The following RARS2 variants were observed in gnomAD, a reference collection of about 807,000 sequenced individuals.
The protein encoded by RARS2 is probable arginine--tRNA ligase, mitochondrial.
In RARS2, 67 loss-of-function variants were observed where a neutral mutation model predicts 88.5. The observed-to-expected ratio is 0.76, with a 90% confidence interval of 0.62 to 0.93. RARS2 has a LOEUF of 0.93. RARS2 is among the 40% of genes least tolerant of loss of function. The pLI is 0.00. For missense variants in RARS2, 664 were observed against 684.2 expected, an observed-to-expected ratio of 0.97 and a Z score of 0.33; for synonymous variants, 239 against 230.3, an observed-to-expected ratio of 1.04 and a Z score of -0.34.
chr6:87,563,600 C>T (rs957586227), intron 3 of RARS2, among the ~76,000 whole-genome samples: 15 of 152,216 alleles, frequency 9.9e-5, no homozygotes, highest in African/African-American at 3.4e-4. Context: ...GGGAATTACA[C>T]TAACAATTTA....
chr6:87,553,332 C>A (rs1784906426), intron 5 of RARS2, among the ~76,000 whole-genome samples: 1 of 152,114 alleles, frequency 6.6e-6, no homozygotes, highest in Admixed American at 6.6e-5. Context: ...GAACCACTGG[C>A]CTGAAATACC....
chr6:87,571,064 T>C (rs529324390), intron 1 of RARS2, among the ~76,000 whole-genome samples: 24 of 152,182 alleles, frequency 1.6e-4, no homozygotes, highest in Non-Finnish European at 2.8e-4. Flanking sequence ...GCCATATTGA[T>C]ATGGTTTGGT....
chr6:87,516,952 T>C (rs759446294), intron 17 of RARS2, 72 bp from the exon 18 acceptor site: 2 of 1,596,642 alleles, frequency 1.3e-6, no homozygotes, highest in Non-Finnish European at 1.7e-6. Flanking sequence ...CATTAAAAGA[T>C]TGTGAATATA....
chr6:87,530,070 C>T (rs1776968923), intron 9 of RARS2, among the ~76,000 whole-genome samples: 1 of 152,148 alleles, frequency 6.6e-6, no homozygotes, highest in South Asian at 2.1e-4. Flanking sequence ...TCTTCTGTCA[C>T]ACTATTCACC....
intron 1 of RARS2, among the ~76,000 whole-genome samples, chr6:87,580,841 T>A (rs1390192558): frequency 6.6e-6 from 1 of 152,060 alleles, no homozygotes; most frequent in Non-Finnish European, 1.5e-5. Flanking sequence ...AACTGCCAGA[T>A]CTCGTTTGAG....
At chr6:87,514,581 T>G in intron 19 of RARS2, 82 bp from the exon 20 acceptor site, 1 of 1,217,574 alleles carries the variant, frequency 8.2e-7, no homozygotes, top group Non-Finnish European at 1.2e-6. Flanking sequence ...TAAAGGTTAT[T>G]CTTTCTAGTT....
At chr6:87,578,109 C>A (rs1006025477) in intron 1 of RARS2, among the ~76,000 whole-genome samples, 2 of 138,242 alleles carry the variant, frequency 1.4e-5, no homozygotes, top group Non-Finnish European at 3.1e-5. Flanking sequence ...ATAGCGAGAC[C>A]CCCCCCCCCG....
chr6:87,526,129 A>C (rs1261565688), intron 10 of RARS2, among the ~76,000 whole-genome samples: 1 of 152,218 alleles, frequency 6.6e-6, no homozygotes, highest in South Asian at 2.1e-4. Flanking sequence ...CCAAAATTCC[A>C]ATGACATTTT....
intron 11 of RARS2, among the ~76,000 whole-genome samples, chr6:87,522,055 G>A (rs2128020427): frequency 6.6e-6 from 1 of 152,310 alleles, no homozygotes; most frequent in South Asian, 2.1e-4. Flanking sequence ...AGTCGGCCAG[G>A]TGTGGCGGCT....
chr6:87,554,267 G>A (rs1459450966), intron 5 of RARS2, among the ~76,000 whole-genome samples: 2 of 152,076 alleles, frequency 1.3e-5, no homozygotes, highest in Non-Finnish European at 2.9e-5. Flanking sequence ...GAAAGTATTA[G>A]TTCTTAGTGT....
chr6:87,519,077 G>T, intron 14 of RARS2, 186 bp from the exon 15 acceptor site: 1 of 616,996 alleles, frequency 1.6e-6, no homozygotes, highest in Non-Finnish European at 2.8e-6. Flanking sequence ...ACATTAAAGG[G>T]AAAGAAATCC....
chr6:87,583,344 C>A (rs1774166626), intron 1 of RARS2, among the ~76,000 whole-genome samples: 1 of 152,166 alleles, frequency 6.6e-6, no homozygotes, highest in African/African-American at 2.4e-5. Context: ...AATCCCAGCA[C>A]TTTGCGAGGC....
intron 3 of RARS2, 45 bp from the exon 4 acceptor site, chr6:87,562,830 C>T: frequency 7.0e-7 from 1 of 1,419,904 alleles, no homozygotes; most frequent in Non-Finnish European, 1.0e-6. Context: ...ATATAATAGG[C>T]CTAATGAGAT....
At position 87,514,328 on chromosome 6, in the gene RARS2, A is replaced by AAC; in HGVS notation, c.*84_*85insGT. 1.0e-6 allele frequency: 1 copy of AAC among 981,126 alleles called. No homozygotes were observed. Among genetic ancestry groups the AAC allele is most frequent in the South Asian group, 1.5e-5 (1 of 67,062 alleles). The allele number at this position is 981,126 out of a possible 1,614,324, so 60.8% of individuals were successfully genotyped here. A position where few individuals can be genotyped will look rare whatever the true frequency, so the allele number is the denominator to read the frequency against. ...CTCCATCTCAAAAAAAAAAAAAAAA[A>AAC]ATTTAAATTTATTCTGAACAGCAAG... On this transcript the variant is annotated 3_prime_UTR_variant, in exon 20 of 20. Transcript: ENST00000369536.
chr6:87,571,826 T>C (rs961483540), intron 1 of RARS2, among the ~76,000 whole-genome samples: 2 of 152,354 alleles, frequency 1.3e-5, no homozygotes, highest in Admixed American at 1.3e-4. Context: ...GACGTCACTT[T>C]CTTTAAGAGG....
At chr6:87,551,626 CAAAAAA>C (rs71018036) in intron 5 of RARS2, among the ~76,000 whole-genome samples, 6 of 65,166 alleles carry the variant, frequency 9.2e-5, no homozygotes, top group Admixed American at 4.9e-4. Context: ...TCCGTCTCAA[CAAAAAA>C]AAAAAAAAAA....
chr6:87,530,992 T>C, intron 8 of RARS2, 50 bp from the exon 9 acceptor site: 2 of 1,607,968 alleles, frequency 1.2e-6, no homozygotes, highest in Non-Finnish European at 8.5e-7. Flanking sequence ...GTCATTGTTA[T>C]CTCTAACACG....
At chr6:87,575,225 G>GCACGCACA (rs1554218762) in intron 1 of RARS2, among the ~76,000 whole-genome samples, 1 of 114,562 alleles carries the variant, frequency 8.7e-6, no homozygotes, top group Non-Finnish European at 1.8e-5. Flanking sequence ...AAAATAGAAA[G>GCACGCACA]CACACACACA....
intron 1 of RARS2, among the ~76,000 whole-genome samples, chr6:87,576,718 T>C (rs1771696912): frequency 6.6e-6 from 1 of 152,200 alleles, no homozygotes; most frequent in African/African-American, 2.4e-5. Context: ...TATATTCTTT[T>C]CTATGATTAA....
Sources: gnomAD v4.1 joint callset for allele counts (sites outside exome capture counted in the v4.1 genomes callset) on GRCh38, gnomAD v4.1.1 for gene constraint, MANE v1.5 for transcripts, NCBI Gene and HGNC (gene_info 2026-07-23, HGNC 2026-07-21) for gene names.